Variants in COQ8B observed in about 807,000 individuals in gnomAD.
COQ8B encodes the protein coenzyme Q8B, also known as atypical kinase COQ8B, mitochondrial.
COQ8B carries 44 observed loss-of-function variants against 62.0 expected under a neutral mutation model. The observed-to-expected ratio is 0.71, with a 90% CI of 0.56 to 0.91. The LOEUF is 0.91. COQ8B is among the 40% of genes least tolerant of loss of function. The pLI is 0.00. For synonymous variants in COQ8B, 252 were observed against 289.9 expected, an observed-to-expected ratio of 0.87 and a Z score of 1.33; for missense variants, 649 against 731.6, an observed-to-expected ratio of 0.89 and a Z score of 1.30.
In COQ8B at chr19:40,707,356, A is replaced by G. The variant is rs1251918079; in HGVS notation, c.368-1909T>C. Among the ~76,000 whole-genome samples the G allele has an allele frequency of 2.6e-5, 4 of 151,638 alleles. No homozygotes were observed. The East Asian group carries it at 7.7e-4, about 29-fold the overall frequency. On this transcript the variant is annotated intron_variant, in intron 5 of 14. Transcript: ENST00000324464. The stretch of plus-strand genomic sequence containing the variant: ...TCTCCCCAGGCCTTGACAACCACTA[A>G]TCTACTTTATGTCCCTACAGATTTT...
In COQ8B at chr19:40,705,411, G is replaced by A. The variant is rs987711849; in HGVS notation, c.404C>T (p.Ser135Leu). The A allele has an allele frequency of 4.4e-6, 7 of 1,592,194 alleles. No individual in the cohort carries two copies. The African/African-American group carries it at 6.7e-5, about 15-fold the overall frequency. Residue 135 changes from serine (S) to leucine (L), a missense_variant, in exon 6 of 15, where the codon TCG becomes TTG. Coordinates refer to ENST00000324464, the MANE Select transcript of COQ8B (RefSeq NM_024876.4). Reference protein sequence around the residue: ...GSGLDSSPFLSEANAERIVQT... With the variant: ...GSGLDSSPFLLEANAERIVQT... Reference sequence around the variant, plus strand: ...CACAATCCGCTCGGCATTGGCCTCCGACAGGAAGGGGCTGGAGTCCAGCCC... The same window carrying A: ...CACAATCCGCTCGGCATTGGCCTCCAACAGGAAGGGGCTGGAGTCCAGCCC...
rs1057021957 is a variant in COQ8B at position 40,710,196 on chromosome 19, A to C, written c.290-60T>G. 2.8e-5 allele frequency: 41 copies of C among 1,467,974 alleles called. No homozygotes were observed. The African/African-American group carries it at 5.0e-4, about 18-fold the overall frequency. 90.9% of individuals were successfully genotyped at this position (1,467,974 alleles called of 1,614,324 possible). A position where few individuals can be genotyped will look rare whatever the true frequency, so the allele number is the denominator to read the frequency against. ...GCCTGGGGTGCCCCCAGCCTAACCC[A>C]CTCTCCTTTCTCAGTTTTTCTCCAA... On this transcript the variant is annotated intron_variant, in intron 4 of 14. Coordinates refer to ENST00000324464, the MANE Select transcript of COQ8B (RefSeq NM_024876.4).
At position 40,691,999 on chromosome 19, in the gene COQ8B, G is replaced by C; in HGVS notation, c.*36C>G. 1 of 1,538,010 alleles carries C rather than the reference G, an allele frequency of 6.5e-7. No homozygotes were observed. On this transcript the variant is annotated 3_prime_UTR_variant, in exon 15 of 15. Transcript: ENST00000324464. ...GATAAGAGGCACTACAGCAGGGTAC[G>C]GCCTGCTCTGGGGACTGAATCCCCC...
rs547560997 is a variant in COQ8B, at chr19:40,711,062, CAG to C, written c.290-928_290-927del. Among the ~76,000 whole-genome samples the C allele has an allele frequency of 5.6e-4, 80 of 143,064 alleles. 1 individual carries two copies. The highest frequency in any genetic ancestry group is 1.8e-3 in the African/African-American group (70 of 38,220). The allele number at this position is 143,064 out of a possible 152,430, so 93.9% of individuals were successfully genotyped here. A position where few individuals can be genotyped will look rare whatever the true frequency, so the allele number is the denominator to read the frequency against. Reference sequence around the variant, plus strand: ...AGGAGAATCGCTTGAACCTGGGAGACAGAGGTTGCGGTGAGCCGAGATCACAC... The same window carrying C: ...AGGAGAATCGCTTGAACCTGGGAGACAGGTTGCGGTGAGCCGAGATCACAC... On this transcript the variant is annotated intron_variant, in intron 4 of 14. Coordinates refer to ENST00000324464, the MANE Select transcript of COQ8B (RefSeq NM_024876.4).
At chr19:40,693,726 A>G (rs1398862731) in intron 13 of COQ8B, among the ~76,000 whole-genome samples, 1 of 152,064 alleles carries the variant, frequency 6.6e-6, no homozygotes, top group East Asian at 1.9e-4. Flanking sequence ...TGTTGGGAGG[A>G]TAAAGAAGGT....
intron 13 of COQ8B, among the ~76,000 whole-genome samples, chr19:40,693,511 T>C (rs1489520072): frequency 1.3e-5 from 2 of 152,200 alleles, no homozygotes; most frequent in African/African-American, 4.8e-5. Flanking sequence ...TGGGTGAACC[T>C]TGCTTTAGCA....
At chr19:40,699,319 A>G (rs917659437) in intron 12 of COQ8B, among the ~76,000 whole-genome samples, 1 of 151,914 alleles carries the variant, frequency 6.6e-6, no homozygotes, top group Admixed American at 6.6e-5. Flanking sequence ...CCCCACAGTG[A>G]GTCAGGCACT....
At chr19:40,716,304 C>T (rs1178988352) in intron 1 of COQ8B, among the ~76,000 whole-genome samples, 3 of 152,140 alleles carry the variant, frequency 2.0e-5, no homozygotes, top group Non-Finnish European at 4.4e-5. Flanking sequence ...GCAGCTCAGC[C>T]TTGGGGGCAA....
intron 1 of COQ8B, 165 bp from the exon 2 acceptor site, chr19:40,714,800 A>G (rs114440068): frequency 7.5e-7 from 1 of 1,331,340 alleles, no homozygotes; most frequent in Admixed American, 3.5e-5. Context: ...GTTGCTAGGA[A>G]CCCTTAGCTC....
At chr19:40,696,101 CCTCA>C (rs1189162494) in intron 12 of COQ8B, 47 bp from the exon 13 acceptor site, 15 of 1,588,520 alleles carry the variant, frequency 9.4e-6, no homozygotes, top group Admixed American at 1.7e-5. Flanking sequence ...CCATTCACAC[CCTCA>C]CTGTCTATTG....
intron 10 of COQ8B, chr19:40,701,344 G>A (rs1341282750): frequency 6.6e-6 from 1 of 152,202 alleles, no homozygotes; most frequent in East Asian, 1.9e-4. Context: ...AATAAAAGAA[G>A]TATGTCTATG....
At position 40,703,800 on chromosome 19, in the gene COQ8B, T is replaced by C. The variant is rs562412613; in HGVS notation, c.632A>G (p.Glu211Gly). 9.0e-5 allele frequency: 145 copies of C among 1,613,916 alleles called. 1 individual carries two copies. The South Asian group carries it at 1.5e-3, about 17-fold the overall frequency. The change falls in exon 8 of 15, where the codon GAG becomes GGG. Residue 211 changes from glutamate (E) to glycine (G), a missense_variant. Coordinates refer to ENST00000324464, the MANE Select transcript of COQ8B (RefSeq NM_024876.4). ...RDWQAKVASLEEVPFAAASIG... is the reference protein window; with the variant it reads ...RDWQAKVASLGEVPFAAASIG... ...TGAGGCAGCGGCAAAGGGCACCTCCTCCAAGGAGGCCACCTTGGCCTGCCA... is the reference window on the plus strand; with the variant it reads ...TGAGGCAGCGGCAAAGGGCACCTCCCCCAAGGAGGCCACCTTGGCCTGCCA...
At chr19:40,701,450 G>C (rs996352222) in intron 10 of COQ8B, 1 of 152,240 alleles carries the variant, frequency 6.6e-6, no homozygotes, top group African/African-American at 2.4e-5. Context: ...GGTGGTGTGG[G>C]GTTTTATCCT....
Position 40,691,999 on chromosome 19 carries a change from G to A in COQ8B, c.*36C>T, listed in dbSNP as rs113642943. On this transcript the variant is annotated 3_prime_UTR_variant, in exon 15 of 15. Coordinates refer to ENST00000324464, the MANE Select transcript of COQ8B (RefSeq NM_024876.4). ...GATAAGAGGCACTACAGCAGGGTAC[G>A]GCCTGCTCTGGGGACTGAATCCCCC... is the stretch of plus-strand genomic sequence containing the variant. The A allele has an allele frequency of 3.2e-4, 496 of 1,538,008 alleles. 2 individuals are homozygous for A. In the African/African-American group the frequency reaches 5.6e-3, roughly 17 times the overall value.
rs998373887 is a variant in COQ8B at position 40,692,045 on chromosome 19, T to C, written c.1625A>G (p.Asp542Gly). The change falls in exon 15 of 15, where the codon GAT becomes GGT. Residue 542 changes from aspartate to glycine, a missense_variant. Coordinates refer to ENST00000324464, the MANE Select transcript of COQ8B (RefSeq NM_024876.4). ...CCCCCATGGAGGCTGTCATGAGGGA[T>C]CCACCCAGGAGTCCCCTTTGGTGGG... ...SLPTKGDSWV[D>G]PS 13 of 1,601,424 alleles carry C rather than the reference T, an allele frequency of 8.1e-6. No individual in the cohort carries two copies. The African/African-American group carries it at 1.5e-4, about 18-fold the overall frequency.
At chr19:40,705,929 C>G (rs11672197) in intron 5 of COQ8B, among the ~76,000 whole-genome samples, 1 of 136,102 alleles carries the variant, frequency 7.3e-6, no homozygotes. Flanking sequence ...TACCCTGTCT[C>G]GGGAAAAAAA....
At position 40,703,781 on chromosome 19, in the gene COQ8B, A is replaced by G; in HGVS notation, c.651T>C (p.Ala217=). The change falls in exon 8 of 15, where the codon GCT becomes GCC. Residue 217 remains alanine (A), a synonymous_variant. Transcript: ENST00000324464. ...VASLEEVPFA[A]ASIGQVHQGL... ...CCTGGTGCACCTGCCCAATTGAGGC[A>G]GCGGCAAAGGGCACCTCCTCCAAGG... The G allele has an allele frequency of 6.2e-7, 1 of 1,614,038 alleles. No individual in the cohort carries two copies. The highest frequency in any genetic ancestry group is 8.5e-7 in the Non-Finnish European group (1 of 1,180,006).
rs1383140810 is a variant in COQ8B, at chr19:40,691,587, C to T, written c.*448G>A. 6.4e-6 allele frequency: 1 copy of T among 155,910 alleles called. No homozygotes were observed. The highest frequency in any genetic ancestry group is 1.4e-5 in the Non-Finnish European group (1 of 70,768). 9.7% of individuals were successfully genotyped at this position (155,910 alleles called of 1,614,324 possible). On this transcript the variant is annotated 3_prime_UTR_variant, in exon 15 of 15. Transcript: ENST00000324464. ...ATTCAGCTCCCCCCCACCCCGCACCCCTACCTCTCCAACACACTGAGAGGC... is the reference window on the plus strand; with the variant it reads ...ATTCAGCTCCCCCCCACCCCGCACCTCTACCTCTCCAACACACTGAGAGGC...
At position 40,696,133 on chromosome 19, in the gene COQ8B, C is replaced by G. The variant is rs1294879030; in HGVS notation, c.1144-79G>C. 5.3e-6 allele frequency: 8 copies of G among 1,495,964 alleles called. No individual in the cohort carries two copies. In the African/African-American group the frequency reaches 5.5e-5, roughly 10 times the overall value. The allele number at this position is 1,495,964 out of a possible 1,614,324, so 92.7% of individuals were successfully genotyped here. A position where few individuals can be genotyped will look rare whatever the true frequency, so the allele number is the denominator to read the frequency against. On this transcript the variant is annotated intron_variant, in intron 12 of 14. Coordinates refer to ENST00000324464, the MANE Select transcript of COQ8B (RefSeq NM_024876.4). ...GTCTATTGGGGCAGCCAGGATCTGTCTCCCTCCCCATGACCCTGCCTGCTC... is the reference window on the plus strand; with the variant it reads ...GTCTATTGGGGCAGCCAGGATCTGTGTCCCTCCCCATGACCCTGCCTGCTC...
Sources: allele counts gnomAD v4.1 joint callset (sites outside exome capture counted in the v4.1 genomes callset), GRCh38; gene constraint gnomAD v4.1.1; transcripts MANE v1.5; gene names NCBI Gene and HGNC (gene_info 2026-07-23, HGNC 2026-07-21).